Variants in GALNT11 observed in about 807,000 individuals in gnomAD.
GALNT11 encodes polypeptide N-acetylgalactosaminyltransferase 11, also known as UDP-GalNAc:polypeptide N-acetylgalactosaminyltransferase 11.
A neutral mutation model predicts 72.7 loss-of-function variants in GALNT11; 47 were observed. The observed-to-expected ratio is 0.65, with a 90% CI of 0.51 to 0.82. The LOEUF (loss-of-function observed/expected upper bound fraction) is 0.82. GALNT11 is among the 40% of genes least tolerant of loss of function. The probability of loss-of-function intolerance (pLI) is 0.00; values close to 1 mark genes in which losing one functional copy is unlikely to be tolerated. For missense variants in GALNT11, 677 were observed against 778.4 expected, an observed-to-expected ratio of 0.87 and a Z score of 1.55; for synonymous variants, 270 against 286.6, an observed-to-expected ratio of 0.94 and a Z score of 0.58.
chr7:152,119,367 TA>T (rs768329602), intron 10 of GALNT11: 5 of 152,184 alleles, frequency 3.3e-5, no homozygotes, highest in Non-Finnish European at 7.3e-5. Flanking sequence ...TAAAATAGCA[TA>T]ATGGAACAGC....
intron 8 of GALNT11, 129 bp downstream of exon 8, chr7:152,113,527 C>T (rs894067888): frequency 9.9e-7 from 1 of 1,008,630 alleles, no homozygotes; most frequent in Non-Finnish European, 1.4e-6. Context: ...AGGGCCAACT[C>T]TTTCTAGTTT....
At chr7:152,121,143 A>G (rs1460426281) in intron 11 of GALNT11, among the ~76,000 whole-genome samples, 175 bp downstream of exon 11, 1 of 152,224 alleles carries the variant, frequency 6.6e-6, no homozygotes, top group Non-Finnish European at 1.5e-5. Context: ...ATTTCTTTCT[A>G]GAGATACACC....
At chr7:152,044,415 C>T (rs972985484) in intron 1 of GALNT11, among the ~76,000 whole-genome samples, 6 of 152,262 alleles carry the variant, frequency 3.9e-5, no homozygotes, top group East Asian at 3.9e-4. Context: ...TCTGGTAAAC[C>T]GACAGCCTTC....
intron 1 of GALNT11, among the ~76,000 whole-genome samples, chr7:152,050,076 C>T (rs1586998214): frequency 1.3e-5 from 2 of 152,130 alleles, no homozygotes; most frequent in Middle Eastern, 3.4e-3. Context: ...AATCAAGGAC[C>T]CCAAGGGCCC....
chr7:152,093,051 A>G (rs2129037112), intron 1 of GALNT11, among the ~76,000 whole-genome samples: 1 of 152,284 alleles, frequency 6.6e-6, no homozygotes, highest in South Asian at 2.1e-4. Flanking sequence ...CAACATGGTG[A>G]AACCCCATCT....
At chr7:152,091,040 T>G (rs78680189) in intron 1 of GALNT11, among the ~76,000 whole-genome samples, 4,518 of 151,294 alleles carry the variant, frequency 0.03, 218 homozygotes, top group African/African-American at 0.1. Flanking sequence ...AGAGGGAGTT[T>G]TTGTTGTTGT....
At chr7:152,091,271 C>T (rs933438045) in intron 1 of GALNT11, among the ~76,000 whole-genome samples, 2 of 151,648 alleles carry the variant, frequency 1.3e-5, no homozygotes, top group African/African-American at 2.4e-5. Flanking sequence ...GTCGGAGTCT[C>T]GCATTGTCAC....
intron 1 of GALNT11, among the ~76,000 whole-genome samples, chr7:152,093,399 A>G (rs1437268110): frequency 6.6e-6 from 1 of 151,418 alleles, no homozygotes; most frequent in Non-Finnish European, 1.5e-5. Flanking sequence ...ATTGGAAAGT[A>G]GAATTTTTTT....
intron 8 of GALNT11, among the ~76,000 whole-genome samples, chr7:152,115,023 G>C (rs1387237262): frequency 1.3e-5 from 2 of 152,084 alleles, no homozygotes; most frequent in Non-Finnish European, 2.9e-5. Flanking sequence ...TGTGTTTGGG[G>C]GCAGTAGGGA....
intron 1 of GALNT11, among the ~76,000 whole-genome samples, chr7:152,091,187 A>G (rs527603385): frequency 6.6e-5 from 10 of 151,286 alleles, no homozygotes; most frequent in African/African-American, 2.2e-4. Context: ...AGCTGGGATT[A>G]CAGGCGCCCG....
intron 2 of GALNT11, among the ~76,000 whole-genome samples, chr7:152,095,607 C>G (rs531038420): frequency 6.6e-6 from 1 of 152,162 alleles, no homozygotes; most frequent in East Asian, 1.9e-4. Context: ...GAGACGTGAT[C>G]TCACCAACTT....
chr7:152,096,814 A>T (rs1323172721), intron 2 of GALNT11, among the ~76,000 whole-genome samples: 6 of 152,106 alleles, frequency 3.9e-5, no homozygotes, highest in African/African-American at 1.4e-4. Flanking sequence ...AGAATATATA[A>T]AGAATGCTTG....
intron 1 of GALNT11, among the ~76,000 whole-genome samples, chr7:152,086,949 G>C (rs1340332344): frequency 6.6e-6 from 1 of 152,122 alleles, no homozygotes; most frequent in Admixed American, 6.5e-5. Flanking sequence ...ATAGTATTAA[G>C]GTATTGCTTA....
chr7:152,113,447 A>T, intron 8 of GALNT11, 49 bp downstream of exon 8: 1 of 1,592,444 alleles, frequency 6.3e-7, no homozygotes, highest in Non-Finnish European at 8.6e-7. Context: ...GCCGGCAGTG[A>T]CTGGCCTAGT....
At chr7:152,035,290 A>C (rs749555914) in intron 1 of GALNT11, among the ~76,000 whole-genome samples, 1 of 152,208 alleles carries the variant, frequency 6.6e-6, no homozygotes, top group South Asian at 2.1e-4. Flanking sequence ...CCTGGAGTTT[A>C]TACTAGAAAT....
intron 1 of GALNT11, among the ~76,000 whole-genome samples, chr7:152,071,142 C>T (rs201058495): frequency 0.11 from 10,179 of 94,298 alleles, no homozygotes; most frequent in East Asian, 0.19. Flanking sequence ...TAACATCTTA[C>T]CAGGAGACAG....
At chr7:152,114,782 T>G (rs567119996) in intron 8 of GALNT11, among the ~76,000 whole-genome samples, 1 of 152,134 alleles carries the variant, frequency 6.6e-6, no homozygotes, top group African/African-American at 2.4e-5. Context: ...GTGCACCTCC[T>G]GTATGCCAGG....
At chr7:152,100,157 G>A (rs898488664) in intron 2 of GALNT11, among the ~76,000 whole-genome samples, 2 of 152,000 alleles carry the variant, frequency 1.3e-5, no homozygotes, top group African/African-American at 4.8e-5. Flanking sequence ...GCATGTAATT[G>A]AGGCCTGTCA....
intron 10 of GALNT11, chr7:152,120,549 G>A (rs1305946814): frequency 8.8e-6 from 3 of 341,950 alleles, no homozygotes; most frequent in African/African-American, 2.2e-5. Flanking sequence ...AGAGAGTTAT[G>A]TAATTGTTAA....
Sources: gnomAD v4.1 joint callset for allele counts (sites outside exome capture counted in the v4.1 genomes callset) on GRCh38, gnomAD v4.1.1 for gene constraint, MANE v1.5 for transcripts, NCBI Gene and HGNC (gene_info 2026-07-23, HGNC 2026-07-21) for gene names.